The following DNAH9 variants were observed in gnomAD, a reference collection of about 807,000 sequenced individuals.
The protein encoded by DNAH9 is dynein axonemal heavy chain 9.
DNAH9 carries 345 observed loss-of-function variants against 471.6 expected under a neutral mutation model. The ratio of observed to expected loss-of-function variants is 0.73; its 90% CI spans 0.67 to 0.80. The LOEUF is 0.80. Ranked by LOEUF, DNAH9 falls within the 30% of genes least tolerant of loss-of-function variation. DNAH9 has a pLI of 0.00. For missense variants in DNAH9, 5,407 were observed against 5,609.2 expected (o/e 0.96, Z 1.15); for synonymous variants, 2,093 against 2,123.6 (o/e 0.99, Z 0.40).
intron 49 of DNAH9, among the ~76,000 whole-genome samples, chr17:11,836,026 T>C (rs1396706701): frequency 6.6e-6 from 1 of 152,186 alleles, no homozygotes; most frequent in East Asian, 1.9e-4. Context: ...AGGAGAAACA[T>C]ATTAAGCTCA....
chr17:11,833,208 G>A (rs1970732633), intron 48 of DNAH9, among the ~76,000 whole-genome samples: 1 of 152,174 alleles, frequency 6.6e-6, no homozygotes, highest in Non-Finnish European at 1.5e-5. Flanking sequence ...CTGCCTCCAG[G>A]TGTCATATGA....
rs1597774221 is a variant in DNAH9 at position 11,875,098 on chromosome 17, C to A, written c.10392C>A (p.Leu3464=). 2 of 1,614,174 alleles carry A rather than the reference C, an allele frequency of 1.2e-6. No homozygotes were observed. The highest frequency in any genetic ancestry group is 1.7e-6 in the Non-Finnish European group (2 of 1,180,038). The part of the protein sequence containing the change: ...TILINCERWP[L]MVDPQLQGIK... ...TCATCAACTGTGAGCGCTGGCCACT[C>A]ATGGTTGACCCTCAGCTACAAGGCA... Residue 3464 remains leucine, a synonymous_variant, in exon 53 of 69, where the codon CTC becomes CTA. Coordinates refer to ENST00000262442, the MANE Select transcript of DNAH9 (RefSeq NM_001372.4).
In DNAH9 at chr17:11,853,987, CCTT is replaced by C. The variant is rs1445108333; in HGVS notation, c.9508-13_9508-11del. On this transcript the variant is annotated splice_polypyrimidine_tract_variant and intron_variant, in intron 49 of 68. Transcript: ENST00000262442. ...CCCATTCATGTTCCCCTAACCACCT[CCTT>C]CTCTTTTCCCAGACCAACCTGACAG... 45 of 1,610,684 alleles carry C rather than the reference CCTT, an allele frequency of 2.8e-5. No homozygotes were observed. Among genetic ancestry groups the C allele is most frequent in the Non-Finnish European group, 3.7e-5 (43 of 1,177,882 alleles).
At chr17:11,899,893 C>T (rs941091048) in intron 59 of DNAH9, among the ~76,000 whole-genome samples, 1 of 152,122 alleles carries the variant, frequency 6.6e-6, no homozygotes, top group Non-Finnish European at 1.5e-5. Flanking sequence ...AGGTCTAAGG[C>T]GTACAAAGAG....
chr17:11,910,711 A>G (rs1334332844), intron 61 of DNAH9, among the ~76,000 whole-genome samples: 1 of 152,168 alleles, frequency 6.6e-6, no homozygotes. Flanking sequence ...CTTCACCAAC[A>G]CTTATTATCC....
At position 11,961,173 on chromosome 17, in the gene DNAH9, G is replaced by A. The variant is rs541640935; in HGVS notation, c.12844-694G>A. 2.4e-3 allele frequency among the ~76,000 whole-genome samples: 371 copies of A among 152,066 alleles called. 13 individuals are homozygous for A. The highest frequency in any genetic ancestry group is 0.022 in the Admixed American group (344 of 15,290). ...CTACTGAAAATACAAAAATTAGCCG[G>A]GTGTGGTGGCAGGTGCCTGTAATCC... On this transcript the variant is annotated intron_variant, in intron 67 of 68. Transcript: ENST00000262442.
intron 19 of DNAH9, among the ~76,000 whole-genome samples, chr17:11,681,709 T>A (rs566136201): frequency 6.6e-6 from 1 of 152,176 alleles, no homozygotes; most frequent in Non-Finnish European, 1.5e-5. Flanking sequence ...AAATTCTCGA[T>A]GCTTACAGTG....
At chr17:11,772,777 G>A (rs1968261984) in intron 38 of DNAH9, among the ~76,000 whole-genome samples, 2 of 152,200 alleles carry the variant, frequency 1.3e-5, no homozygotes, top group African/African-American at 4.8e-5. Flanking sequence ...GAAAGCTACT[G>A]TTCCATAACC....
intron 20 of DNAH9, 49 bp downstream of exon 20, chr17:11,690,485 A>ACCTTCCCTTC: frequency 6.5e-7 from 1 of 1,550,336 alleles, no homozygotes; most frequent in Non-Finnish European, 8.8e-7. Context: ...ATCCAGGGTG[A>ACCTTCCCTTC]AGGGAAGGTC....
intron 44 of DNAH9, 103 bp downstream of exon 44, chr17:11,807,997 C>G: frequency 7.8e-7 from 1 of 1,288,124 alleles, no homozygotes; most frequent in Non-Finnish European, 1.1e-6. Context: ...CTGGAGCCTC[C>G]CCTTCAATGT....
chr17:11,686,502 G>T (rs2074244644), intron 19 of DNAH9, among the ~76,000 whole-genome samples: 1 of 152,092 alleles, frequency 6.6e-6, no homozygotes, highest in Non-Finnish European at 1.5e-5. Context: ...CGTGGACGAG[G>T]TCTATGAATA....
chr17:11,737,078 G>T (rs1007659608), intron 28 of DNAH9, among the ~76,000 whole-genome samples: 3 of 152,232 alleles, frequency 2.0e-5, no homozygotes, highest in Admixed American at 2.0e-4. Context: ...ACGCAAACCA[G>T]CAGAGCTTGA....
chr17:11,629,531 A>G lies in DNAH9; in HGVS notation c.1465A>G (p.Met489Val). 6.2e-7 allele frequency: 1 copy of G among 1,614,122 alleles called. No individual in the cohort carries two copies. Among genetic ancestry groups the G allele is most frequent in the Non-Finnish European group, 8.5e-7 (1 of 1,180,024 alleles). Residue 489 changes from methionine to valine, a missense_variant, in exon 7 of 69, where the codon ATG (methionine) becomes GTG (valine). Met to Val is a conservative substitution (Grantham distance 21). This residue lies in a region of DNAH9 where 767 missense variants were observed against 692.5 expected (regional missense o/e 1.11). Transcript: ENST00000262442. ...VQQMHEEFQE[M>V]YRLLSGSSSD... Reference sequence around the variant, plus strand: ...GCAAATGCATGAAGAATTTCAAGAGATGTACAGGCTTCTCTCAGGATCCTC... The same window carrying G: ...GCAAATGCATGAAGAATTTCAAGAGGTGTACAGGCTTCTCTCAGGATCCTC...
intron 50 of DNAH9, among the ~76,000 whole-genome samples, chr17:11,862,141 A>T (rs866542066): frequency 3.5e-4 from 46 of 130,054 alleles, no homozygotes; most frequent in African/African-American, 9.8e-4. Context: ...TCTAGGGTTT[A>T]TATGGTTTTA....
chr17:11,822,303 AGC>A (rs1430414085), intron 46 of DNAH9, 133 bp from the exon 47 acceptor site: 4 of 1,160,468 alleles, frequency 3.4e-6, no homozygotes, highest in Non-Finnish European at 3.7e-6. Flanking sequence ...GAGGCTGGCT[AGC>A]ATTTACAGAT....
At chr17:11,789,992 T>C (rs949836537) in intron 41 of DNAH9, among the ~76,000 whole-genome samples, 1 of 152,068 alleles carries the variant, frequency 6.6e-6, no homozygotes, top group Admixed American at 6.5e-5. Context: ...ATTTAGAGAT[T>C]ATCTAGTTAT....
intron 26 of DNAH9, among the ~76,000 whole-genome samples, chr17:11,710,915 C>T (rs544371693): frequency 6.6e-6 from 1 of 152,308 alleles, no homozygotes; most frequent in East Asian, 1.9e-4. Flanking sequence ...ATGAGTCCAG[C>T]TTGCTGCAGT....
intron 17 of DNAH9, among the ~76,000 whole-genome samples, chr17:11,677,529 C>A (rs1270473675): frequency 6.6e-6 from 1 of 152,112 alleles, no homozygotes; most frequent in Non-Finnish European, 1.5e-5. Flanking sequence ...CCTTGCTGTG[C>A]CCTTCCATTA....
intron 28 of DNAH9, 113 bp from the exon 29 acceptor site, chr17:11,738,767 G>C (rs760013124): frequency 2.1e-5 from 18 of 874,864 alleles, no homozygotes; most frequent in Admixed American, 4.0e-5. Flanking sequence ...TCAGTGAAAG[G>C]GTCCACAGGA....
Sources: gnomAD v4.1 joint callset for allele counts (sites outside exome capture counted in the v4.1 genomes callset) on GRCh38, gnomAD v4.1.1 for gene constraint, gnomAD v4.1.1 regional missense constraint, MANE v1.5 for transcripts, NCBI Gene and HGNC (gene_info 2026-07-23, HGNC 2026-07-21) for gene names.